AHI1: variants seen among roughly 807,000 people sequenced by gnomAD.
AHI1 encodes Abelson helper integration site 1, also known as jouberin.
A neutral mutation model predicts 149.3 loss-of-function variants in AHI1; 123 were observed. The observed-to-expected ratio is 0.82, with a 90% CI of 0.71 to 0.96. The LOEUF is 0.96. Among genes scored for constraint, AHI1 ranks in the 40% least tolerant of loss-of-function variants. The pLI, the probability that AHI1 is intolerant of heterozygous loss-of-function variation, is 0.00. For synonymous variants in AHI1, 475 were observed against 459.8 expected (o/e 1.03, Z -0.42); for missense variants, 1,439 against 1,422.7 (o/e 1.01, Z -0.18).
chr6:135,463,588 T>C (rs1363480219), intron 7 of AHI1, among the ~76,000 whole-genome samples: 1 of 152,144 alleles, frequency 6.6e-6, no homozygotes, highest in East Asian at 1.9e-4. Context: ...TTATGAGCAA[T>C]TGATCTCTCT....
At chr6:135,383,382 C>T (rs769833402) in intron 23 of AHI1, among the ~76,000 whole-genome samples, 1 of 151,702 alleles carries the variant, frequency 6.6e-6, no homozygotes, top group Non-Finnish European at 1.5e-5. Context: ...CAGGCATGTG[C>T]CACCACTCCT....
intron 23 of AHI1, among the ~76,000 whole-genome samples, chr6:135,361,336 T>A (rs184065654): frequency 2.0e-5 from 3 of 152,308 alleles, no homozygotes; most frequent in East Asian, 1.9e-4. Flanking sequence ...TTTATCTTTA[T>A]CCCTTCTTGC....
At chr6:135,407,212 C>T (rs1027836307) in intron 21 of AHI1, among the ~76,000 whole-genome samples, 3 of 152,108 alleles carry the variant, frequency 2.0e-5, no homozygotes, top group African/African-American at 7.2e-5. Flanking sequence ...ACATACCCCA[C>T]AAAAATTACA....
rs1205607763 is a variant in AHI1, at chr6:135,374,503, G to C, written c.3110-16316C>G. The stretch of plus-strand genomic sequence containing the variant: ...AAAAGAAGGTAAACTATGTTTTGCA[G>C]ATAATATAATTTTATATCTAGTAAG... On this transcript the variant is annotated intron_variant, in intron 23 of 28. Transcript: ENST00000265602. Among the ~76,000 whole-genome samples the C allele has an allele frequency of 2.0e-5, 3 of 152,152 alleles. No homozygotes were observed. In the East Asian group the frequency reaches 5.8e-4, roughly 29 times the overall value.
At chr6:135,375,882 G>C (rs1204434926) in intron 23 of AHI1, among the ~76,000 whole-genome samples, 4 of 152,102 alleles carry the variant, frequency 2.6e-5, no homozygotes, top group Non-Finnish European at 5.9e-5. Context: ...CTCTGGGGTA[G>C]GGATAGTACC....
At chr6:135,360,433 G>C (rs1027072851) in intron 23 of AHI1, among the ~76,000 whole-genome samples, 3 of 152,172 alleles carry the variant, frequency 2.0e-5, no homozygotes, top group Admixed American at 6.5e-5. Flanking sequence ...ACCTGAGAGC[G>C]AGGGGATTCT....
intron 23 of AHI1, among the ~76,000 whole-genome samples, chr6:135,364,609 A>C (rs1486636329): frequency 7.2e-4 from 109 of 151,834 alleles, no homozygotes; most frequent in Non-Finnish European, 1.4e-3. Context: ...ACCATTGAGC[A>C]CTGAGTGAAC....
chr6:135,457,776 T>C, intron 8 of AHI1, 63 bp from the exon 9 acceptor site: 3 of 1,428,302 alleles, frequency 2.1e-6, no homozygotes, highest in South Asian at 2.3e-5. Context: ...TATTTACATA[T>C]AACCTAATCT....
intron 21 of AHI1, 66 bp downstream of exon 21, chr6:135,411,282 T>A: frequency 7.2e-7 from 1 of 1,391,984 alleles, no homozygotes. Context: ...TGAATATTTA[T>A]TGGCATGGCA....
At chr6:135,385,017 G>T (rs1156749089) in intron 23 of AHI1, among the ~76,000 whole-genome samples, 4 of 151,950 alleles carry the variant, frequency 2.6e-5, no homozygotes, top group Admixed American at 6.6e-5. Flanking sequence ...TGAACCTGGG[G>T]GACAGAGGTT....
chr6:135,455,700 T>C, intron 10 of AHI1, 34 bp downstream of exon 10: 17 of 1,387,452 alleles, frequency 1.2e-5, no homozygotes, highest in Non-Finnish European at 1.7e-5. Context: ...ATATTAACTA[T>C]CGTTTAATTT....
At chr6:135,487,491 C>A (rs1794649509) in intron 5 of AHI1, among the ~76,000 whole-genome samples, 1 of 152,062 alleles carries the variant, frequency 6.6e-6, no homozygotes, top group Admixed American at 6.6e-5. Context: ...TAACTGATTT[C>A]AAAGTTCATC....
At chr6:135,407,783 T>G (rs1035552932) in intron 21 of AHI1, among the ~76,000 whole-genome samples, 6 of 151,958 alleles carry the variant, frequency 3.9e-5, no homozygotes, top group Non-Finnish European at 7.4e-5. Context: ...GAGGCCGAGG[T>G]GGGCGGATCA....
chr6:135,490,853 T>TCTCTAGCTAC, intron 4 of AHI1, 106 bp from the exon 5 acceptor site: 1 of 1,353,936 alleles, frequency 7.4e-7, no homozygotes, highest in Non-Finnish European at 1.0e-6. Flanking sequence ...CGGCATGAGT[T>TCTCTAGCTAC]CTCTAGCTAC....
At chr6:135,454,395 C>T (rs1247204600) in intron 10 of AHI1, among the ~76,000 whole-genome samples, 1 of 152,026 alleles carries the variant, frequency 6.6e-6, no homozygotes, top group East Asian at 1.9e-4. Context: ...TCACAAATAC[C>T]ATAAATTTAA....
At chr6:135,490,804 A>C in intron 4 of AHI1, 57 bp from the exon 5 acceptor site, 1 of 1,586,662 alleles carries the variant, frequency 6.3e-7, no homozygotes, top group Non-Finnish European at 8.6e-7. Flanking sequence ...CACACAACCT[A>C]CACTACTAGG....
In AHI1 at chr6:135,467,609, T is replaced by A; in HGVS notation, c.161A>T (p.His54Leu). 6.2e-7 allele frequency: 1 copy of A among 1,609,284 alleles called. No individual in the cohort carries two copies. The highest frequency in any genetic ancestry group is 1.1e-5 in the South Asian group (1 of 90,656). Residue 54 changes from histidine to leucine, a missense_variant, in exon 6 of 29, where the codon CAC becomes CTC. By Grantham distance (99) the His-to-Leu change is moderately conservative. Coordinates refer to ENST00000265602, the MANE Select transcript of AHI1 (RefSeq NM_001134831.2). ...ATCACTTGTAGTTTCTTTCATATAG[T>A]GAAGATTGCTTCTAATAGTGTCAGG... ...ISPDTIRSNL[H>L]YMKETTSDDP...
At chr6:135,479,273 C>G (rs552673442) in intron 5 of AHI1, among the ~76,000 whole-genome samples, 3 of 152,364 alleles carry the variant, frequency 2.0e-5, no homozygotes. Flanking sequence ...ATAGTTTGCA[C>G]CATGCACCCA....
At chr6:135,446,871 G>C (rs1787319338) in intron 13 of AHI1, 137 bp downstream of exon 13, 2 of 905,374 alleles carry the variant, frequency 2.2e-6, no homozygotes, top group Admixed American at 5.3e-5. Context: ...TTAATTAATG[G>C]AAAGGCAAAA....
Sources: allele counts gnomAD v4.1 joint callset (sites outside exome capture counted in the v4.1 genomes callset), GRCh38; gene constraint gnomAD v4.1.1; transcripts MANE v1.5; gene names NCBI Gene and HGNC (gene_info 2026-07-23, HGNC 2026-07-21).